Variants in TRIM71 observed in about 807,000 individuals in gnomAD.
The protein encoded by TRIM71 is E3 ubiquitin-protein ligase TRIM71.
Under a neutral mutation model 61.2 loss-of-function variants are expected in TRIM71, and 9 were observed. That is an observed-to-expected ratio of 0.15 (90% CI 0.09 to 0.26). The LOEUF is 0.26. Ranked by LOEUF, TRIM71 falls within the 10% of genes least tolerant of loss-of-function variation. The pLI is 1.00. For synonymous variants in TRIM71, 645 were observed against 553.2 expected (o/e 1.17, Z -2.33); for missense variants, 998 against 1,238.7 (o/e 0.81, Z 2.92).
rs573324026 is a variant in TRIM71 at position 32,841,138 on chromosome 3, G to A, written c.852+22206G>A. ...CGGTCGCCTGTAGTCCTAGCTACTC[G>A]GGAAGCTGAGGCAGGAGAATGGCAT... On this transcript the variant is annotated intron_variant, in intron 1 of 3. Transcript: ENST00000383763. 4.1e-3 allele frequency among the ~76,000 whole-genome samples: 617 copies of A among 151,762 alleles called. 12 individuals are homozygous for A. Among genetic ancestry groups the A allele is most frequent in the African/African-American group, 0.014 (580 of 41,362 alleles).
chr3:32,835,597 T>C (rs1436703700), intron 1 of TRIM71, among the ~76,000 whole-genome samples: 2 of 152,344 alleles, frequency 1.3e-5, no homozygotes, highest in Non-Finnish European at 2.9e-5. Flanking sequence ...CTGTAATTTT[T>C]CTGAGTATGT....
chr3:32,863,294 G>T (rs909660773), intron 1 of TRIM71, among the ~76,000 whole-genome samples: 2 of 134,480 alleles, frequency 1.5e-5, no homozygotes, highest in Admixed American at 8.7e-5. Flanking sequence ...CAGCAGCCTC[G>T]AACTCTTGGG....
chr3:32,897,720 A>G lies in TRIM71; in HGVS notation c.*5909A>G, dbSNP rs554471353. On this transcript the variant is annotated 3_prime_UTR_variant, in exon 4 of 4. Coordinates refer to ENST00000383763, the MANE Select transcript of TRIM71 (RefSeq NM_001039111.3). ...GTAGCAAGGAGATGCTGTATCAGCT[A>G]CTACAGCCTTAAAACAAAGTTGGTG... 5.3e-5 allele frequency: 8 copies of G among 152,356 alleles called. No homozygotes were observed. The highest frequency in any genetic ancestry group is 1.4e-4 in the African/African-American group (6 of 41,576). 9.4% of individuals were successfully genotyped at this position (152,356 alleles called of 1,614,324 possible).
At chr3:32,872,911 A>G (rs908669863) in intron 1 of TRIM71, among the ~76,000 whole-genome samples, 1 of 152,200 alleles carries the variant, frequency 6.6e-6, no homozygotes, top group African/African-American at 2.4e-5. Flanking sequence ...CTTGAAAGCA[A>G]TCCAGCAAAC....
At position 32,891,932 on chromosome 3, in the gene TRIM71, TTTC is replaced by T; in HGVS notation, c.*124_*126del. 1 of 1,397,160 alleles carries T rather than the reference TTTC, an allele frequency of 7.2e-7. No individual in the cohort carries two copies. Among genetic ancestry groups the T allele is most frequent in the Non-Finnish European group, 9.4e-7 (1 of 1,065,920 alleles). The allele number at this position is 1,397,160 out of a possible 1,614,324, so 86.5% of individuals were successfully genotyped here. ...GAAACAGTCTCAGGGAAATTTCTTT[TTTC>T]TTTTTTTTTTTTAAAGAGAACAAGA... On this transcript the variant is annotated 3_prime_UTR_variant, in exon 4 of 4. Transcript: ENST00000383763. This position sits in a 1 kb window ranked among gnomAD's most constrained non-coding sequence, Gnocchi z 8.2.
chr3:32,880,384 C>A (rs1696896171), intron 2 of TRIM71, among the ~76,000 whole-genome samples: 1 of 152,188 alleles, frequency 6.6e-6, no homozygotes, highest in African/African-American at 2.4e-5. Context: ...TCTAATAAAT[C>A]ATTTCCAGAT....
rs56834147 is a variant in TRIM71 at position 32,888,434 on chromosome 3, CAAAAAAAAAAAAAAAAAAAAAAAA to C, written c.1156-1910_1156-1887del. Reference sequence around the variant, plus strand: ...GGCAACATTAAGACCCCATCTCTACCAAAAAAAAAAAAAAAAAAAAAAAAAAAAAAAAAAAAAAAGGTGCCCTGT... The same window carrying C: ...GGCAACATTAAGACCCCATCTCTACCAAAAAAAAAAAAAAAGGTGCCCTGT... On this transcript the variant is annotated intron_variant, in intron 3 of 3. Coordinates refer to ENST00000383763, the MANE Select transcript of TRIM71 (RefSeq NM_001039111.3). Among the ~76,000 whole-genome samples, 92 of 95,838 alleles carry C rather than the reference CAAAAAAAAAAAAAAAAAAAAAAAA, an allele frequency of 9.6e-4. 4 individuals carry two copies. Among genetic ancestry groups the C allele is most frequent in the East Asian group, 4.7e-3 (8 of 1,712 alleles). The allele number at this position is 95,838 out of a possible 152,430, so 62.9% of individuals were successfully genotyped here. A position where few individuals can be genotyped will look rare whatever the true frequency, so the allele number is the denominator to read the frequency against.
intron 1 of TRIM71, among the ~76,000 whole-genome samples, chr3:32,820,245 C>T (rs1331621717): frequency 1.3e-5 from 2 of 152,224 alleles, no homozygotes; most frequent in Non-Finnish European, 2.9e-5. Flanking sequence ...GCGCCGCTGC[C>T]TTTTCCACTC....
rs1270288975 is a variant in TRIM71, at chr3:32,818,872, C to G, written c.792C>G (p.Pro264=). The change falls in exon 1 of 4, where the codon CCC becomes CCG. Residue 264 remains proline (P), a synonymous_variant. Transcript: ENST00000383763. The stretch of plus-strand genomic sequence containing the variant: ...TCGGGCCGCCCTTTCCCGGCCCGCC[C>G]TTCTCCATCCTCTCAGTGTTTCCCG... The part of the protein sequence containing the change: ...LGLGPPFPGP[P]FSILSVFPER... 4 of 1,612,498 alleles carry G rather than the reference C, an allele frequency of 2.5e-6. No homozygotes were observed. The highest frequency in any genetic ancestry group is 3.4e-6 in the Non-Finnish European group (4 of 1,179,828).
chr3:32,856,711 A>G (rs1267974653), intron 1 of TRIM71, among the ~76,000 whole-genome samples: 1 of 152,214 alleles, frequency 6.6e-6, no homozygotes, highest in Non-Finnish European at 1.5e-5. Context: ...GTTCTTTTCA[A>G]CGAGCAAACA....
chr3:32,844,114 T>TC (rs1696443543), intron 1 of TRIM71, among the ~76,000 whole-genome samples: 2 of 152,210 alleles, frequency 1.3e-5, no homozygotes, highest in Admixed American at 6.5e-5. Context: ...TTATTTTGTG[T>TC]GGTTGTGTAA....
intron 1 of TRIM71, among the ~76,000 whole-genome samples, chr3:32,826,542 A>G (rs1194774772): frequency 1.4e-5 from 2 of 141,414 alleles, no homozygotes; most frequent in Non-Finnish European, 3.0e-5. Context: ...CTAATCCTAG[A>G]TGGTTCCTAA....
intron 2 of TRIM71, among the ~76,000 whole-genome samples, chr3:32,875,273 C>T (rs1696842251): frequency 6.6e-6 from 1 of 152,218 alleles, no homozygotes; most frequent in Admixed American, 6.5e-5. Flanking sequence ...TGTTGAATTC[C>T]TATCAACAGC....
chr3:32,865,301 C>G (rs1176004524), intron 1 of TRIM71, among the ~76,000 whole-genome samples: 1 of 152,014 alleles, frequency 6.6e-6, no homozygotes, highest in African/African-American at 2.4e-5. Context: ...TGCAGTCCAG[C>G]GTAGGGGACA....
At chr3:32,869,863 C>T (rs1000706155) in intron 1 of TRIM71, among the ~76,000 whole-genome samples, 34 of 152,264 alleles carry the variant, frequency 2.2e-4, no homozygotes, top group African/African-American at 7.0e-4. Context: ...CTGGGGCAGC[C>T]GGATTGTCGC....
chr3:32,834,816 T>C (rs983274193), intron 1 of TRIM71, among the ~76,000 whole-genome samples: 2 of 152,224 alleles, frequency 1.3e-5, no homozygotes, highest in South Asian at 2.1e-4. Context: ...CACTCCAGCC[T>C]GGTGACAGAG....
At chr3:32,858,173 G>A (rs374185657) in intron 1 of TRIM71, among the ~76,000 whole-genome samples, 5 of 152,092 alleles carry the variant, frequency 3.3e-5, no homozygotes, top group Non-Finnish European at 7.3e-5. Context: ...TTTCAAACCC[G>A]TGTTGTTCAA....
At chr3:32,856,642 G>A (rs1419733459) in intron 1 of TRIM71, among the ~76,000 whole-genome samples, 1 of 152,186 alleles carries the variant, frequency 6.6e-6, no homozygotes, top group Non-Finnish European at 1.5e-5. Context: ...GGGACATGTA[G>A]GGTCAGAGGT....
At chr3:32,831,836 C>G (rs1328017246) in intron 1 of TRIM71, among the ~76,000 whole-genome samples, 1 of 152,200 alleles carries the variant, frequency 6.6e-6, no homozygotes, top group Non-Finnish European at 1.5e-5. Context: ...TTGCACCCGG[C>G]TGTTATCTTC....
Sources: gnomAD v4.1 joint callset for allele counts (sites outside exome capture counted in the v4.1 genomes callset) on GRCh38, gnomAD v4.1.1 for gene constraint, Gnocchi (gnomAD v3.1) non-coding constraint, MANE v1.5 for transcripts, NCBI Gene and HGNC (gene_info 2026-07-23, HGNC 2026-07-21) for gene names.